Variants in PLCL2 observed in about 807,000 individuals in gnomAD.
PLCL2 encodes the protein phospholipase C like 2.
A neutral mutation model predicts 79.6 loss-of-function variants in PLCL2; 4 were observed. The ratio of observed to expected loss-of-function variants is 0.05; its 90% CI spans 0.02 to 0.11. PLCL2 has a LOEUF of 0.11. Ranked by LOEUF, PLCL2 falls within the 10% of genes least tolerant of loss-of-function variation. The pLI, the probability that PLCL2 is intolerant of heterozygous loss-of-function variation, is 1.00. For missense variants in PLCL2, 895 were observed against 1,291.0 expected (o/e 0.69, Z 4.70); for synonymous variants, 484 against 457.7 (o/e 1.06, Z -0.73).
At chr3:17,054,146 C>A (rs1193099792) in intron 4 of PLCL2, among the ~76,000 whole-genome samples, 1 of 152,164 alleles carries the variant, frequency 6.6e-6, no homozygotes, top group African/African-American at 2.4e-5. Context: ...TTAGGAATTT[C>A]TTCTGCCAGA....
intron 1 of PLCL2, among the ~76,000 whole-genome samples, chr3:16,890,815 T>C (rs1370518792): frequency 6.6e-6 from 1 of 152,246 alleles, no homozygotes; most frequent in Non-Finnish European, 1.5e-5. Context: ...TGACTCAAAC[T>C]GAAGTCAGAG....
chr3:17,042,133 C>T lies in PLCL2; in HGVS notation c.3019-741C>T, dbSNP rs559554718. Among the ~76,000 whole-genome samples the T allele has an allele frequency of 1.1e-4, 17 of 152,232 alleles. No individual in the cohort carries two copies. The South Asian group carries it at 2.9e-3, about 26-fold the overall frequency. The stretch of plus-strand genomic sequence containing the variant: ...AATTGTACCCATTTGAGCCATGAGA[C>T]TTGTTTCTGGCTATCCCATTTCCTT... On this transcript the variant is annotated intron_variant, in intron 3 of 5. Coordinates refer to ENST00000615277, the MANE Select transcript of PLCL2 (RefSeq NM_001144382.2).
Position 17,068,043 on chromosome 3 carries a change from C to T in PLCL2, c.3182C>T (p.Thr1061Ile). ...CTACAAAAAGCAGTGGAGAGCTTTA[C>T]CTGGAATATTACCATCTTAAAGGTA... The part of the protein sequence containing the change: ...RKLQKAVESF[T>I]WNITILKGQA... The change falls in exon 5 of 6, where the codon ACC becomes ATC. Residue 1061 changes from threonine (T) to isoleucine (I), a missense_variant. Coordinates refer to ENST00000615277, the MANE Select transcript of PLCL2 (RefSeq NM_001144382.2). 2.5e-6 allele frequency: 4 copies of T among 1,599,394 alleles called. No individual in the cohort carries two copies. The highest frequency in any genetic ancestry group is 3.4e-6 in the Non-Finnish European group (4 of 1,166,834).
intron 1 of PLCL2, among the ~76,000 whole-genome samples, chr3:16,985,342 CA>C (rs1393202553): frequency 6.6e-6 from 1 of 152,084 alleles, no homozygotes; most frequent in African/African-American, 2.4e-5. Context: ...ACGTGGCCCA[CA>C]ACGCTTAATC....
intron 5 of PLCL2, among the ~76,000 whole-genome samples, chr3:17,071,034 C>T (rs748682173): frequency 5.3e-5 from 8 of 152,172 alleles, no homozygotes; most frequent in Non-Finnish European, 1.0e-4. Context: ...CAGGAATCTG[C>T]TTATTTAACA....
intron 1 of PLCL2, among the ~76,000 whole-genome samples, chr3:16,959,422 T>C (rs1315503007): frequency 6.6e-6 from 1 of 152,200 alleles, no homozygotes; most frequent in East Asian, 1.9e-4. Context: ...ACAGCAGTAA[T>C]GTTGCTGACT....
At chr3:17,012,382 G>A (rs938991023) in intron 2 of PLCL2, among the ~76,000 whole-genome samples, 9 of 152,112 alleles carry the variant, frequency 5.9e-5, no homozygotes, top group African/African-American at 9.7e-5. Flanking sequence ...AGTGAGTCTC[G>A]TTGCTGTGTT....
intron 1 of PLCL2, among the ~76,000 whole-genome samples, chr3:16,969,878 G>C (rs899543772): frequency 4.6e-5 from 7 of 151,494 alleles, no homozygotes; most frequent in African/African-American, 1.7e-4. Flanking sequence ...GCGTTTATCT[G>C]TGTCCCAGAG....
intron 2 of PLCL2, among the ~76,000 whole-genome samples, chr3:17,014,294 TATGGCTGGCA>T (rs567099006): frequency 4.1e-4 from 62 of 152,342 alleles, no homozygotes; most frequent in African/African-American, 1.5e-3. Flanking sequence ...TTCCCTTTTG[TATGGCTGGCA>T]TATTTGATAC....
intron 3 of PLCL2, among the ~76,000 whole-genome samples, chr3:17,036,376 A>T (rs959219106): frequency 1.4e-4 from 22 of 152,334 alleles, no homozygotes; most frequent in African/African-American, 5.1e-4. Flanking sequence ...CTCTTCCATT[A>T]GTTCAACTTT....
At chr3:16,904,306 C>CAAAAAAAAAAAAAAAAAAAAAAAA (rs547582289) in intron 1 of PLCL2, among the ~76,000 whole-genome samples, 4 of 116,074 alleles carry the variant, frequency 3.4e-5, no homozygotes, top group Admixed American at 8.7e-5. Flanking sequence ...GAGATCTTGA[C>CAAAAAAAAAAAAAAAAAAAAAAAA]AAAAAAAAAA....
At chr3:17,007,644 A>T (rs2064276909) in intron 1 of PLCL2, among the ~76,000 whole-genome samples, 1 of 152,250 alleles carries the variant, frequency 6.6e-6, no homozygotes, top group Non-Finnish European at 1.5e-5. Flanking sequence ...AAGTTTAATT[A>T]CCTTCTGCAA....
At chr3:17,027,823 T>C (rs1020729352) in intron 3 of PLCL2, among the ~76,000 whole-genome samples, 14 of 152,022 alleles carry the variant, frequency 9.2e-5, no homozygotes, top group Non-Finnish European at 1.5e-5. Flanking sequence ...ATTGTTACGG[T>C]CAGAAACCTA....
chr3:17,011,405 A>T lies in PLCL2; in HGVS notation c.2059A>T (p.Met687Leu). The T allele has an allele frequency of 6.2e-7, 1 of 1,614,206 alleles. No homozygotes were observed. The highest frequency in any genetic ancestry group is 8.5e-7 in the Non-Finnish European group (1 of 1,180,030). ...PSPMRIDSSN[M>L]NPQDFWKCGC... ...TCCAATGAGAATTGATTCCAGTAAC[A>T]TGAATCCTCAAGATTTTTGGAAATG... Residue 687 changes from methionine (M) to leucine (L), a missense_variant, in exon 2 of 6, where the codon ATG (methionine) becomes TTG (leucine). Transcript: ENST00000615277. The surrounding 1 kb of genome is among the most constrained non-coding windows in gnomAD (Gnocchi z 7.9).
At chr3:16,993,895 A>G (rs1013554287) in intron 1 of PLCL2, among the ~76,000 whole-genome samples, 1 of 152,164 alleles carries the variant, frequency 6.6e-6, no homozygotes, top group Non-Finnish European at 1.5e-5. Flanking sequence ...CCTCTTAATC[A>G]TATGTTCTGT....
chr3:16,983,927 G>A (rs1023582194), intron 1 of PLCL2, among the ~76,000 whole-genome samples: 1 of 152,100 alleles, frequency 6.6e-6, no homozygotes. Context: ...GATTTTGTAC[G>A]TCAAAGTGGG....
At chr3:16,925,107 T>C (rs1381126786) in intron 1 of PLCL2, among the ~76,000 whole-genome samples, 1 of 151,980 alleles carries the variant, frequency 6.6e-6, no homozygotes, top group African/African-American at 2.4e-5. Context: ...GTATTTTTAG[T>C]AGAGACAGGG....
At chr3:16,941,469 C>T (rs1299334821) in intron 1 of PLCL2, among the ~76,000 whole-genome samples, 2 of 152,292 alleles carry the variant, frequency 1.3e-5, no homozygotes, top group East Asian at 1.9e-4. Context: ...AGAGTCTCTC[C>T]GTGACAGTCA....
At chr3:16,961,766 G>C (rs2063756681) in intron 1 of PLCL2, among the ~76,000 whole-genome samples, 1 of 152,168 alleles carries the variant, frequency 6.6e-6, no homozygotes, top group Admixed American at 6.5e-5. Context: ...TGAGAGTTGT[G>C]GGATAGGGAG....
Sources: gnomAD v4.1 joint callset for allele counts (sites outside exome capture counted in the v4.1 genomes callset) on GRCh38, gnomAD v4.1.1 for gene constraint, Gnocchi (gnomAD v3.1) non-coding constraint, MANE v1.5 for transcripts, NCBI Gene and HGNC (gene_info 2026-07-23, HGNC 2026-07-21) for gene names.